Variants in BCL11A observed in about 807,000 individuals in gnomAD.
The protein encoded by BCL11A is B cell CLL/lymphoma 11A.
A neutral mutation model predicts 55.9 loss-of-function variants in BCL11A; 2 were observed. That is an observed-to-expected ratio of 0.04 (90% CI 0.01 to 0.11). The LOEUF (loss-of-function observed/expected upper bound fraction) is 0.11. Among genes scored for constraint, BCL11A ranks in the 10% least tolerant of loss-of-function variants. The pLI, the probability that BCL11A is intolerant of heterozygous loss-of-function variation, is 1.00. For missense variants in BCL11A, 817 were observed against 1,137.1 expected (o/e 0.72, Z 4.05); for synonymous variants, 465 against 473.4 (o/e 0.98, Z 0.23).
intron 2 of BCL11A, among the ~76,000 whole-genome samples, chr2:60,473,001 G>A (rs1031550389): frequency 4.6e-5 from 6 of 130,996 alleles, no homozygotes; most frequent in Admixed American, 3.8e-4. Context: ...GTGTTTGCAA[G>A]CATTTATGTG....
intron 2 of BCL11A, among the ~76,000 whole-genome samples, chr2:60,514,910 G>GAA (rs1282532299): frequency 4.6e-5 from 7 of 151,230 alleles, no homozygotes; most frequent in African/African-American, 1.7e-4. Flanking sequence ...GAGAGAGAGA[G>GAA]AGAATCACCT....
chr2:60,488,939 T>G (rs1217433142), intron 2 of BCL11A, among the ~76,000 whole-genome samples: 5 of 152,328 alleles, frequency 3.3e-5, no homozygotes, highest in Admixed American at 6.5e-5. Context: ...TCTGTATTTT[T>G]GGTAGAGACG....
At chr2:60,488,478 T>C (rs1678416228) in intron 2 of BCL11A, among the ~76,000 whole-genome samples, 1 of 152,216 alleles carries the variant, frequency 6.6e-6, no homozygotes, top group Non-Finnish European at 1.5e-5. Context: ...GTCATTTAGG[T>C]AATGTCATCT....
In BCL11A at chr2:60,546,129, C is replaced by G; in HGVS notation, c.227G>C (p.Cys76Ser). The change falls in exon 2 of 4, where the codon TGC becomes TCC. Residue 76 changes from cysteine to serine, a missense_variant. Physicochemically the swap from Cys to Ser is moderately radical, Grantham distance 112 (BLOSUM62 -1). Coordinates refer to ENST00000642384, the MANE Select transcript of BCL11A (RefSeq NM_022893.4). This position sits in a 1 kb window ranked among gnomAD's most constrained non-coding sequence, Gnocchi z 4.1. ...TGGCTTATCCACAGCTTTTTCTAAG[C>G]AGAGGCTGCCATTGCATTGTTTCCG... is the stretch of plus-strand genomic sequence containing the variant. ...HKRKQCNGSL[C>S]LEKAVDKPPS... 1 of 1,614,222 alleles carries G rather than the reference C, an allele frequency of 6.2e-7. No homozygotes were observed. Among genetic ancestry groups the G allele is most frequent in the Non-Finnish European group, 8.5e-7 (1 of 1,180,050 alleles).
At chr2:60,464,003 T>A (rs938093747) in intron 3 of BCL11A, among the ~76,000 whole-genome samples, 1 of 151,704 alleles carries the variant, frequency 6.6e-6, no homozygotes, top group African/African-American at 2.4e-5. Flanking sequence ...ATTTAGCAAG[T>A]CAGAAAGAAA....
chr2:60,487,537 T>A (rs1194679788), intron 2 of BCL11A, among the ~76,000 whole-genome samples: 21 of 152,252 alleles, frequency 1.4e-4, no homozygotes, highest in Admixed American at 9.2e-4. Flanking sequence ...GAATACAGAT[T>A]CAGATTAAGG....
chr2:60,459,971 G>GA lies in BCL11A; in HGVS notation c.*432dup. 1 of 1,066,322 alleles carries GA rather than the reference G, an allele frequency of 9.4e-7. No individual in the cohort carries two copies. Among genetic ancestry groups the GA allele is most frequent in the Non-Finnish European group, 1.1e-6 (1 of 880,192 alleles). 66.1% of individuals were successfully genotyped at this position (1,066,322 alleles called of 1,614,324 possible). ...CTCTTTTTCTCTCAGAACGGAACTG[G>GA]AAACAGCAACATGTTTGCTCAGCAA... On this transcript the variant is annotated 3_prime_UTR_variant, in exon 4 of 4. Transcript: ENST00000642384.
At chr2:60,467,160 TGGTGGTG>T (rs1407938892) in intron 3 of BCL11A, among the ~76,000 whole-genome samples, 300 of 141,286 alleles carry the variant, frequency 2.1e-3, no homozygotes, top group East Asian at 4.4e-3. Flanking sequence ...GTGGTGGTGG[TGGTGGTG>T]ATGGTGGTGG....
At chr2:60,473,797 T>C (rs1256369560) in intron 2 of BCL11A, among the ~76,000 whole-genome samples, 1 of 152,240 alleles carries the variant, frequency 6.6e-6, no homozygotes, top group African/African-American at 2.4e-5. Flanking sequence ...AGCTTTATCA[T>C]CACTCACAGA....
intron 2 of BCL11A, among the ~76,000 whole-genome samples, chr2:60,483,282 G>T (rs1678065108): frequency 6.6e-6 from 1 of 152,144 alleles, no homozygotes; most frequent in Non-Finnish European, 1.5e-5. Context: ...CTTGACAAGG[G>T]GAAGACCAGG....
chr2:60,480,804 C>A (rs2104169262), intron 2 of BCL11A, among the ~76,000 whole-genome samples: 1 of 152,186 alleles, frequency 6.6e-6, no homozygotes, highest in East Asian at 1.9e-4. Context: ...CTTCCTTCCT[C>A]TCTCAATTTG....
At chr2:60,499,923 G>A (rs368409958) in intron 2 of BCL11A, 1 of 152,510 alleles carries the variant, frequency 6.6e-6, no homozygotes, top group African/African-American at 2.4e-5. Flanking sequence ...GATTCGGAGA[G>A]AGCAGCCACC....
intron 2 of BCL11A, chr2:60,537,275 T>A (rs996657816): frequency 2.0e-5 from 3 of 152,226 alleles, no homozygotes; most frequent in Non-Finnish European, 4.4e-5. Flanking sequence ...CAGTTTTAAA[T>A]GTAAAGGAAT....
intron 2 of BCL11A, among the ~76,000 whole-genome samples, chr2:60,532,368 A>T (rs1573071004): frequency 6.9e-6 from 1 of 145,976 alleles, no homozygotes; most frequent in East Asian, 2.0e-4. Flanking sequence ...TGTCATTTCC[A>T]GTTTTTTAAA....
At chr2:60,549,340 G>A (rs1285113171) in intron 1 of BCL11A, among the ~76,000 whole-genome samples, 1 of 152,162 alleles carries the variant, frequency 6.6e-6, no homozygotes, top group African/African-American at 2.4e-5. Context: ...AGGGGGAGGG[G>A]GAAAGGGAGA....
In BCL11A at chr2:60,461,592, G is replaced by A. The variant is rs1436008474; in HGVS notation, c.1320C>T (p.Asp440=). Residue 440 remains aspartate (D), a synonymous_variant, in exon 4 of 4, where the codon GAC becomes GAT. Coordinates refer to ENST00000642384, the MANE Select transcript of BCL11A (RefSeq NM_022893.4). The stretch of plus-strand genomic sequence containing the variant: ...CCGGGGAGCTGGCGGTGGAGAGACC[G>A]TCGTCGGACTTGACCGTCATGGGGG... The part of the protein sequence containing the change: ...KSSPMTVKSD[D]GLSTASSPEP... 3.7e-6 allele frequency: 6 copies of A among 1,612,894 alleles called. No homozygotes were observed. The South Asian group carries it at 5.5e-5, about 15-fold the overall frequency.
chr2:60,505,879 T>C (rs1275255321), intron 2 of BCL11A, among the ~76,000 whole-genome samples: 3 of 152,146 alleles, frequency 2.0e-5, no homozygotes, highest in Non-Finnish European at 4.4e-5. Flanking sequence ...AAAACAACGG[T>C]GGGCAGAAAA....
chr2:60,467,984 G>GTGC (rs1676939246), intron 3 of BCL11A, among the ~76,000 whole-genome samples: 2 of 132,648 alleles, frequency 1.5e-5, no homozygotes, highest in South Asian at 2.3e-4. Flanking sequence ...GGTAGTGATG[G>GTGC]TGGTGGTAAT....
chr2:60,514,951 A>C (rs925969947), intron 2 of BCL11A, among the ~76,000 whole-genome samples: 5 of 151,570 alleles, frequency 3.3e-5, no homozygotes, highest in African/African-American at 1.2e-4. Context: ...AGTCAAAGCC[A>C]CCCAAAGGAA....
Sources: allele counts gnomAD v4.1 joint callset (sites outside exome capture counted in the v4.1 genomes callset), GRCh38; gene constraint gnomAD v4.1.1; non-coding constraint Gnocchi (gnomAD v3.1); transcripts MANE v1.5; gene names NCBI Gene and HGNC (gene_info 2026-07-23, HGNC 2026-07-21).